The following GSK3A variants were observed in gnomAD, a reference collection of about 807,000 sequenced individuals.
GSK3A encodes the protein glycogen synthase kinase 3 alpha, also known as glycogen synthase kinase-3 alpha.
Under a neutral mutation model 56.6 loss-of-function variants are expected in GSK3A, and 14 were observed. The ratio of observed to expected loss-of-function variants is 0.25; its 90% CI spans 0.16 to 0.39. GSK3A has a LOEUF of 0.39. GSK3A is among the 10% of genes least tolerant of loss of function. GSK3A has a pLI of 1.00. For synonymous variants in GSK3A, 301 were observed against 285.0 expected (o/e 1.06, Z -0.56); for missense variants, 450 against 656.0 (o/e 0.69, Z 3.43).
chr19:42,234,683 G>T lies in GSK3A; in HGVS notation c.667-5C>A. ...GAAGAGCTGGTACATGTACACCTGC[G>T]GCGGGCACAGGATAGCAGAACTTTA... On this transcript the variant is annotated splice_polypyrimidine_tract_variant and splice_region_variant and intron_variant, in intron 4 of 10. Transcript: ENST00000222330. This position sits in a 1 kb window ranked among gnomAD's most constrained non-coding sequence, Gnocchi z 5.7. 1 of 1,577,898 alleles carries T rather than the reference G, an allele frequency of 6.3e-7. No individual in the cohort carries two copies. The highest frequency in any genetic ancestry group is 1.1e-5 in the South Asian group (1 of 87,466).
rs1049759098 is a variant in GSK3A at position 42,242,307 on chromosome 19, G to A, written c.159C>T (p.Val53=). 37 of 1,440,306 alleles carry A rather than the reference G, an allele frequency of 2.6e-5. No homozygotes were observed. Among genetic ancestry groups the A allele is most frequent in the African/African-American group, 4.5e-5 (3 of 67,214 alleles). The allele number at this position is 1,440,306 out of a possible 1,614,324, so 89.2% of individuals were successfully genotyped here. A position where few individuals can be genotyped will look rare whatever the true frequency, so the allele number is the denominator to read the frequency against. Residue 53 remains valine (V), a synonymous_variant, in exon 1 of 11, where the codon GTC becomes GTT. Transcript: ENST00000222330. ...PGGTGGGKAS[V]GAMGGGVGAS... ...CCCCGACGCCCCCACCCATGGCCCC[G>A]ACAGATGCCTTTCCGCCGCCGGTGC...
chr19:42,232,916 A>C, intron 8 of GSK3A, 194 bp downstream of exon 8: 1 of 576,092 alleles, frequency 1.7e-6, no homozygotes, highest in Non-Finnish European at 3.0e-6. Flanking sequence ...TAAAAATTGG[A>C]ATCTTGAATT....
Position 42,240,080 on chromosome 19 carries a change from C to T in GSK3A, c.346G>A (p.Glu116Lys). 6.2e-7 allele frequency: 1 copy of T among 1,614,208 alleles called. No homozygotes were observed. Among genetic ancestry groups the T allele is most frequent in the Non-Finnish European group, 8.5e-7 (1 of 1,180,032 alleles). Residue 116 changes from glutamate (E) to lysine (K), a missense_variant, in exon 2 of 11, where the codon GAA becomes AAA. Physicochemically the swap from Glu to Lys is moderately conservative, Grantham distance 56. Coordinates refer to ENST00000222330, the MANE Select transcript of GSK3A (RefSeq NM_019884.3). ...TLGQGPERSQ[E>K]VAYTDIKVIG... ...ACTTTGATGTCCGTGTAAGCCACTT[C>T]TTGGGAGCGCTCTGGGCCTTGGCCT...
Position 42,242,220 on chromosome 19 carries a change from T to C in GSK3A, c.246A>G (p.Ala82=). 6.9e-7 allele frequency: 1 copy of C among 1,443,356 alleles called. No individual in the cohort carries two copies. The highest frequency in any genetic ancestry group is 2.7e-5 in the Admixed American group (1 of 37,636). The allele number at this position is 1,443,356 out of a possible 1,614,324, so 89.4% of individuals were successfully genotyped here. Reference sequence around the variant, plus strand: ...CCCCGGGCGGCGGGAAGCTAGTGCCTGCGCCGGGGCCTCCGCTGCCTCCTC... The same window carrying C: ...CCCCGGGCGGCGGGAAGCTAGTGCCCGCGCCGGGGCCTCCGCTGCCTCCTC... ...SGGGGSGGPG[A]GTSFPPPGVK... Residue 82 remains alanine (A), a synonymous_variant, in exon 1 of 11, where the codon GCA becomes GCG. Transcript: ENST00000222330.
intron 2 of GSK3A, 151 bp from the exon 3 acceptor site, chr19:42,237,092 C>T: frequency 1.5e-6 from 1 of 652,888 alleles, no homozygotes; most frequent in Non-Finnish European, 2.8e-6. Context: ...TGTCTCCAGA[C>T]TATTCCCCTC....
In GSK3A at chr19:42,242,155, A is replaced by G; in HGVS notation, c.283+28T>C. ...AGGAGCTTTGGGAACCCTAATCACC[A>G]CCCTACACGGGCGCCACTAGTACTC... On this transcript the variant is annotated intron_variant, in intron 1 of 10. Coordinates refer to ENST00000222330, the MANE Select transcript of GSK3A (RefSeq NM_019884.3). 2.2e-6 allele frequency: 3 copies of G among 1,339,410 alleles called. No homozygotes were observed. In the South Asian group the frequency reaches 5.7e-5, roughly 26 times the overall value. 83.0% of individuals were successfully genotyped at this position (1,339,410 alleles called of 1,614,324 possible).
Position 42,242,166 on chromosome 19 carries a change from G to A in GSK3A, c.283+17C>T. The A allele has an allele frequency of 7.3e-7, 1 of 1,364,470 alleles. No individual in the cohort carries two copies. The highest frequency in any genetic ancestry group is 3.0e-5 in the East Asian group (1 of 33,438). The allele number at this position is 1,364,470 out of a possible 1,614,324, so 84.5% of individuals were successfully genotyped here. ...GAACCCTAATCACCACCCTACACGG[G>A]CGCCACTAGTACTCACGGCCCAGCT... On this transcript the variant is annotated intron_variant, in intron 1 of 10. Coordinates refer to ENST00000222330, the MANE Select transcript of GSK3A (RefSeq NM_019884.3).
At chr19:42,231,513 G>A (rs547227724) in intron 10 of GSK3A, among the ~76,000 whole-genome samples, 225 of 152,174 alleles carry the variant, frequency 1.5e-3, no homozygotes, top group Middle Eastern at 6.8e-3. Context: ...CAGGCACAGC[G>A]GTTCACGCCT....
At chr19:42,236,166 C>T (rs1276045355) in intron 4 of GSK3A, among the ~76,000 whole-genome samples, 1 of 152,228 alleles carries the variant, frequency 6.6e-6, no homozygotes, top group East Asian at 1.9e-4. Flanking sequence ...GACGGAGATG[C>T]ATTCCTGGCT....
At chr19:42,233,959 CAG>C (rs1801573248) in intron 6 of GSK3A, among the ~76,000 whole-genome samples, 1 of 152,194 alleles carries the variant, frequency 6.6e-6, no homozygotes, top group Non-Finnish European at 1.5e-5. Flanking sequence ...TCCCCACAAA[CAG>C]GGAAGGACAC....
chr19:42,242,373 T>TCCTCCG lies in GSK3A; in HGVS notation c.87_92dup (p.Gly34_Gly35dup), dbSNP rs1352209914. ...CCGAGCCTCCGGGGCCGCCGCCGCC[T>TCCTCCG]CCTCCGCCTCCGCCGCCGGGCTCCG... On this transcript the variant is annotated inframe_insertion, in exon 1 of 11. Transcript: ENST00000222330. 3 of 1,392,720 alleles carry TCCTCCG rather than the reference T, an allele frequency of 2.2e-6. No homozygotes were observed. Among genetic ancestry groups the TCCTCCG allele is most frequent in the African/African-American group, 1.5e-5 (1 of 65,618 alleles). 86.3% of individuals were successfully genotyped at this position (1,392,720 alleles called of 1,614,324 possible).
At chr19:42,232,932 GT>G in intron 8 of GSK3A, 177 bp downstream of exon 8, 1 of 595,614 alleles carries the variant, frequency 1.7e-6, no homozygotes. Context: ...GAATTTACTT[GT>G]GGGTTCTCAA....
At chr19:42,231,332 C>A (rs943522908) in intron 10 of GSK3A, among the ~76,000 whole-genome samples, 2 of 152,076 alleles carry the variant, frequency 1.3e-5, no homozygotes, top group Non-Finnish European at 1.5e-5. Flanking sequence ...TGCACTCCAG[C>A]CTGGGTGACA....
Position 42,242,167 on chromosome 19 carries a change from C to A in GSK3A, c.283+16G>T. Reference sequence around the variant, plus strand: ...AACCCTAATCACCACCCTACACGGGCGCCACTAGTACTCACGGCCCAGCTT... The same window carrying A: ...AACCCTAATCACCACCCTACACGGGAGCCACTAGTACTCACGGCCCAGCTT... On this transcript the variant is annotated intron_variant, in intron 1 of 10. Coordinates refer to ENST00000222330, the MANE Select transcript of GSK3A (RefSeq NM_019884.3). 7.3e-7 allele frequency: 1 copy of A among 1,365,248 alleles called. No individual in the cohort carries two copies. The highest frequency in any genetic ancestry group is 9.4e-7 in the Non-Finnish European group (1 of 1,061,218). The allele number at this position is 1,365,248 out of a possible 1,614,324, so 84.6% of individuals were successfully genotyped here. A position where few individuals can be genotyped will look rare whatever the true frequency, so the allele number is the denominator to read the frequency against.
chr19:42,237,250 C>T (rs1162266171), intron 2 of GSK3A, among the ~76,000 whole-genome samples: 1 of 151,878 alleles, frequency 6.6e-6, no homozygotes, highest in Non-Finnish European at 1.5e-5. Context: ...CCTCTGCCTC[C>T]CTGGGTCAAG....
chr19:42,235,158 C>T (rs1041139113), intron 4 of GSK3A, among the ~76,000 whole-genome samples: 1 of 152,134 alleles, frequency 6.6e-6, no homozygotes, highest in Non-Finnish European at 1.5e-5. Flanking sequence ...CTGGGCCCCA[C>T]TCTTAGAGTT....
intron 2 of GSK3A, among the ~76,000 whole-genome samples, chr19:42,239,711 G>A (rs983976162): frequency 6.6e-6 from 1 of 152,160 alleles, no homozygotes. Context: ...TACCCTCAGA[G>A]AATCTTTATG....
rs1009499134 is a variant in GSK3A, at chr19:42,234,908, C to T, written c.667-230G>A. 1.2e-4 allele frequency among the ~76,000 whole-genome samples: 18 copies of T among 152,184 alleles called. No homozygotes were observed. The highest frequency in any genetic ancestry group is 3.9e-4 in the Admixed American group (6 of 15,282). ...GCGTGGCGGGTCACGCCTGTAATCC[C>T]GGTATTTTGGGAGGCCAAGACCAGC... On this transcript the variant is annotated intron_variant, in intron 4 of 10. Coordinates refer to ENST00000222330, the MANE Select transcript of GSK3A (RefSeq NM_019884.3). This position sits in a 1 kb window ranked among gnomAD's most constrained non-coding sequence, Gnocchi z 5.7.
At chr19:42,235,082 G>A (rs1177365693) in intron 4 of GSK3A, among the ~76,000 whole-genome samples, 2 of 151,914 alleles carry the variant, frequency 1.3e-5, no homozygotes, top group African/African-American at 4.8e-5. Flanking sequence ...AGCCGAGATC[G>A]CACCACTGCA....
Sources: allele counts gnomAD v4.1 joint callset (sites outside exome capture counted in the v4.1 genomes callset), GRCh38; gene constraint gnomAD v4.1.1; non-coding constraint Gnocchi (gnomAD v3.1); transcripts MANE v1.5; gene names NCBI Gene and HGNC (gene_info 2026-07-23, HGNC 2026-07-21).